HMCN1: variants seen among roughly 807,000 people sequenced by gnomAD.
HMCN1 encodes hemicentin 1.
Under a neutral mutation model 625.9 loss-of-function variants are expected in HMCN1, and 321 were observed. The ratio of observed to expected loss-of-function variants is 0.51; its 90% CI spans 0.47 to 0.56. The LOEUF (loss-of-function observed/expected upper bound fraction) is 0.56, where lower values mean the gene tolerates loss of function less well. HMCN1 is among the 20% of genes least tolerant of loss of function. The pLI, the probability that HMCN1 is intolerant of heterozygous loss-of-function variation, is 0.00. For missense variants in HMCN1, 6,588 were observed against 6,887.3 expected (o/e 0.96, Z 1.54); for synonymous variants, 2,425 against 2,417.6 (o/e 1.00, Z -0.09).
At chr1:185,773,521 G>A (rs1656390632) in intron 1 of HMCN1, among the ~76,000 whole-genome samples, 1 of 152,124 alleles carries the variant, frequency 6.6e-6, no homozygotes, top group Non-Finnish European at 1.5e-5. Flanking sequence ...ATCAGCTTGA[G>A]GATGAAGCCA....
chr1:186,070,573 A>G (rs770906289), intron 51 of HMCN1, 39 bp from the exon 52 acceptor site: 1 of 1,566,678 alleles, frequency 6.4e-7, no homozygotes, highest in South Asian at 1.1e-5. Context: ...TGTATTGAAA[A>G]TAACCAATGT....
chr1:186,127,579 C>G (rs1661709813), intron 82 of HMCN1, among the ~76,000 whole-genome samples: 1 of 152,090 alleles, frequency 6.6e-6, no homozygotes, highest in Non-Finnish European at 1.5e-5. Context: ...ATAATTGTGT[C>G]AGATTCTACA....
chr1:186,125,119 G>C (rs1305785896), intron 81 of HMCN1, among the ~76,000 whole-genome samples: 1 of 152,020 alleles, frequency 6.6e-6, no homozygotes, highest in Non-Finnish European at 1.5e-5. Context: ...GTAAAATACT[G>C]CAATAAGTAT....
At chr1:185,974,656 G>T (rs182854085) in intron 15 of HMCN1, among the ~76,000 whole-genome samples, 1 of 152,268 alleles carries the variant, frequency 6.6e-6, no homozygotes, top group Non-Finnish European at 1.5e-5. Flanking sequence ...GGAGTAGGAA[G>T]TATTTAAAAA....
chr1:185,901,226 A>G (rs371264063), intron 4 of HMCN1, among the ~76,000 whole-genome samples: 3 of 151,896 alleles, frequency 2.0e-5, no homozygotes, highest in African/African-American at 7.2e-5. Flanking sequence ...CTGTTGAATC[A>G]CCCTTAAATT....
rs1204158343 is a variant in HMCN1, at chr1:186,178,664, T to C, written c.16192T>C (p.Tyr5398His). ...YRQYSHLYSS[Y>H]SEYRNSRTSL... ...ACAGTACTCACATCTCTACAGCTCC[T>C]ACTCAGAGTATAGAAACAGCAGAAC... is the stretch of plus-strand genomic sequence containing the variant. The change falls in exon 104 of 107, where the codon TAC (tyrosine) becomes CAC (histidine). Residue 5398 changes from tyrosine (Y) to histidine (H), a missense_variant. Coordinates refer to ENST00000271588, the MANE Select transcript of HMCN1 (RefSeq NM_031935.3). The C allele has an allele frequency of 6.2e-7, 1 of 1,613,930 alleles. No individual in the cohort carries two copies. Among genetic ancestry groups the C allele is most frequent in the East Asian group, 2.2e-5 (1 of 44,876 alleles).
intron 105 of HMCN1, among the ~76,000 whole-genome samples, chr1:186,184,915 AT>A (rs1239582834): frequency 6.6e-6 from 1 of 152,086 alleles, no homozygotes; most frequent in Admixed American, 6.6e-5. Flanking sequence ...CACAATTTCT[AT>A]TTCTTTTTCT....
intron 52 of HMCN1, among the ~76,000 whole-genome samples, chr1:186,071,916 C>T (rs1658502611): frequency 6.6e-6 from 1 of 152,124 alleles, no homozygotes; most frequent in South Asian, 2.1e-4. Flanking sequence ...ATAGTTACCA[C>T]ATATGCTCAC....
At chr1:185,953,617 G>A (rs1649398791) in intron 11 of HMCN1, among the ~76,000 whole-genome samples, 1 of 151,868 alleles carries the variant, frequency 6.6e-6, no homozygotes, top group Admixed American at 6.6e-5. Context: ...GCCACTTACT[G>A]GATTTGAAAT....
intron 1 of HMCN1, among the ~76,000 whole-genome samples, chr1:185,772,734 AG>A (rs1439841846): frequency 6.6e-6 from 1 of 152,160 alleles, no homozygotes; most frequent in African/African-American, 2.4e-5. Context: ...AGAATGCCAC[AG>A]ACTGGGTAAT....
intron 33 of HMCN1, 121 bp downstream of exon 33, chr1:186,017,192 C>T (rs1014878837): frequency 7.1e-6 from 5 of 706,132 alleles, no homozygotes; most frequent in East Asian, 5.4e-5. Context: ...TCTTTATATT[C>T]CTCTTTTAAA....
intron 97 of HMCN1, among the ~76,000 whole-genome samples, chr1:186,158,525 A>G (rs180781112): frequency 1.8e-4 from 27 of 152,284 alleles, no homozygotes; most frequent in Admixed American, 7.2e-4. Context: ...TTATGTCCTG[A>G]ATGGTAATGC....
intron 5 of HMCN1, among the ~76,000 whole-genome samples, chr1:185,910,768 A>G (rs1666369059): frequency 6.6e-6 from 1 of 151,872 alleles, no homozygotes; most frequent in Admixed American, 6.6e-5. Flanking sequence ...ACAGGGTTTC[A>G]CCATGTTGGT....
chr1:185,816,151 ACTCACTAT>A, intron 1 of HMCN1, among the ~76,000 whole-genome samples: 1 of 152,154 alleles, frequency 6.6e-6, no homozygotes, highest in African/African-American at 2.4e-5. Context: ...GGAATTTCTC[ACTCACTAT>A]CTGGTCAGAA....
intron 4 of HMCN1, among the ~76,000 whole-genome samples, chr1:185,898,884 CT>C (rs1665646402): frequency 7.4e-6 from 1 of 134,638 alleles, no homozygotes; most frequent in Non-Finnish European, 1.5e-5. Flanking sequence ...CTTCAGACAG[CT>C]AAAAAAAAAA....
At chr1:186,081,107 C>T in intron 55 of HMCN1, 100 bp from the exon 56 acceptor site, 1 of 965,988 alleles carries the variant, frequency 1.0e-6, no homozygotes, top group South Asian at 1.3e-5. Flanking sequence ...AGTTTTGCTT[C>T]TCTATTATTA....
intron 1 of HMCN1, among the ~76,000 whole-genome samples, chr1:185,774,642 G>A (rs747562669): frequency 1.6e-4 from 24 of 152,094 alleles, no homozygotes; most frequent in Non-Finnish European, 2.9e-4. Flanking sequence ...GTAATCCCCC[G>A]TGGAATGCAC....
At chr1:186,061,468 G>T (rs760006869) in intron 46 of HMCN1, among the ~76,000 whole-genome samples, 128 of 152,098 alleles carry the variant, frequency 8.4e-4, no homozygotes, top group Non-Finnish European at 1.5e-3. Context: ...CTCACCAGGG[G>T]ATTATGGGGA....
At chr1:185,856,479 C>A (rs1282338794) in intron 2 of HMCN1, among the ~76,000 whole-genome samples, 1 of 148,372 alleles carries the variant, frequency 6.7e-6, no homozygotes, top group African/African-American at 2.5e-5. Context: ...CAGAGCTAGA[C>A]CCTGTCTCAA....
Sources: gnomAD v4.1 joint callset for allele counts (sites outside exome capture counted in the v4.1 genomes callset) on GRCh38, gnomAD v4.1.1 for gene constraint, MANE v1.5 for transcripts, NCBI Gene and HGNC (gene_info 2026-07-23, HGNC 2026-07-21) for gene names.